DPP10: variants seen among roughly 807,000 people sequenced by gnomAD.
The protein encoded by DPP10 is dipeptidyl peptidase like 10, also known as inactive dipeptidyl peptidase 10.
In DPP10, 33 loss-of-function variants were observed where a neutral mutation model predicts 120.9. The observed-to-expected ratio is 0.27, with a 90% CI of 0.21 to 0.37. DPP10 has a LOEUF of 0.37. Ranked by LOEUF, DPP10 falls within the 10% of genes least tolerant of loss-of-function variation. The pLI is 1.00. For missense variants in DPP10, 816 were observed against 942.8 expected, an observed-to-expected ratio of 0.87 and a Z score of 1.76; for synonymous variants, 337 against 326.1, an observed-to-expected ratio of 1.03 and a Z score of -0.36.
intron 3 of DPP10, among the ~76,000 whole-genome samples, chr2:115,360,765 C>T (rs149707916): frequency 7.9e-4 from 120 of 152,264 alleles, no homozygotes; most frequent in Middle Eastern, 3.4e-3. Context: ...GACCCGTAGT[C>T]CCCTAGGGGC....
At chr2:114,995,185 G>GTAGC (rs1700999560) in intron 1 of DPP10, among the ~76,000 whole-genome samples, 1 of 152,222 alleles carries the variant, frequency 6.6e-6, no homozygotes, top group Non-Finnish European at 1.5e-5. Flanking sequence ...GCACAGCCAT[G>GTAGC]TAGCCCTTGT....
In DPP10 at chr2:115,832,732, A is replaced by T. The variant is rs75340510; in HGVS notation, c.1951-3425A>T. 9.2e-5 allele frequency among the ~76,000 whole-genome samples: 14 copies of T among 152,278 alleles called. No individual in the cohort carries two copies. The East Asian group carries it at 2.7e-3, about 29-fold the overall frequency. ...ACATTCCTGGTTTTACTGAAGAATC[A>T]CATGGGGAGATCCATCAGGTGCCCA... On this transcript the variant is annotated intron_variant, in intron 21 of 25. Transcript: ENST00000410059.
chr2:115,283,466 T>G (rs2060241544), intron 1 of DPP10, among the ~76,000 whole-genome samples: 1 of 152,080 alleles, frequency 6.6e-6, no homozygotes, highest in South Asian at 2.1e-4. Flanking sequence ...TTTATATTGG[T>G]TGATGGTTTT....
chr2:115,579,792 A>C (rs1421921479), intron 5 of DPP10: 1 of 152,152 alleles, frequency 6.6e-6, no homozygotes, highest in Non-Finnish European at 1.5e-5. Context: ...CACATAACGT[A>C]TACACATTTT....
At chr2:115,005,980 A>G (rs898752437) in intron 1 of DPP10, among the ~76,000 whole-genome samples, 1 of 152,196 alleles carries the variant, frequency 6.6e-6, no homozygotes, top group Non-Finnish European at 1.5e-5. Flanking sequence ...AGGTCGGGTT[A>G]CCCTCAAAGG....
At chr2:114,707,479 A>T (rs1002872) in intron 1 of DPP10, among the ~76,000 whole-genome samples, 8,777 of 152,310 alleles carry the variant, frequency 0.058, 407 homozygotes, top group African/African-American at 0.13. Flanking sequence ...AGTTATTAAA[A>T]GTACATATTT....
chr2:115,840,960 C>T, intron 25 of DPP10, 137 bp downstream of exon 25: 1 of 653,222 alleles, frequency 1.5e-6, no homozygotes. Context: ...AGATTGTGTT[C>T]TCTGTTCCTG....
chr2:115,817,741 A>G (rs1294311325), intron 21 of DPP10, among the ~76,000 whole-genome samples: 5 of 152,084 alleles, frequency 3.3e-5, no homozygotes, highest in Non-Finnish European at 5.9e-5. Context: ...GAAACCCTAG[A>G]TATATTAAAA....
chr2:115,595,422 T>G (rs987892088), intron 5 of DPP10, among the ~76,000 whole-genome samples: 1 of 152,124 alleles, frequency 6.6e-6, no homozygotes, highest in African/African-American at 2.4e-5. Flanking sequence ...TCAAACAGTT[T>G]GACCATAAAG....
Position 115,781,825 on chromosome 2 carries a change from T to C in DPP10, c.1484-527T>C, listed in dbSNP as rs189756760. Among the ~76,000 whole-genome samples the C allele has an allele frequency of 6.6e-4, 101 of 152,214 alleles. 2 individuals are homozygous for C. The highest frequency in any genetic ancestry group is 2.3e-3 in the African/African-American group (95 of 41,570). ...GAAGTTTCAAGATAACTTTTTACAG[T>C]AACAAATTAGCTAGTGTATTTTAAA... On this transcript the variant is annotated intron_variant, in intron 16 of 25. Coordinates refer to ENST00000410059, the MANE Select transcript of DPP10 (RefSeq NM_020868.6).
At chr2:115,000,178 G>T (rs1286626102) in intron 1 of DPP10, among the ~76,000 whole-genome samples, 3 of 151,414 alleles carry the variant, frequency 2.0e-5, no homozygotes, top group African/African-American at 7.3e-5. Flanking sequence ...CTAGTATTGG[G>T]CCCTCATTTT....
intron 1 of DPP10, among the ~76,000 whole-genome samples, chr2:114,517,790 G>T (rs1211233843): frequency 6.6e-6 from 1 of 152,194 alleles, no homozygotes; most frequent in Non-Finnish European, 1.5e-5. Flanking sequence ...TACTATCCAA[G>T]TCAGTGAGGT....
At chr2:115,161,991 CG>C in intron 1 of DPP10, 19 of 1,397,234 alleles carry the variant, frequency 1.4e-5, no homozygotes, top group South Asian at 3.2e-5. Flanking sequence ...CAGCCCACCC[CG>C]GGGGCCAGGG....
At chr2:115,675,069 C>A (rs1427694910) in intron 5 of DPP10, among the ~76,000 whole-genome samples, 1 of 152,118 alleles carries the variant, frequency 6.6e-6, no homozygotes. Flanking sequence ...GCCAAGAGTT[C>A]TCTATTAACT....
chr2:115,078,784 T>G (rs1708001786), intron 1 of DPP10, among the ~76,000 whole-genome samples: 1 of 144,478 alleles, frequency 6.9e-6, no homozygotes, highest in East Asian at 2.0e-4. Flanking sequence ...TCTTTGGTCT[T>G]CATATTAAAG....
At chr2:114,481,393 C>G (rs150374651) in intron 1 of DPP10, among the ~76,000 whole-genome samples, 1,726 of 151,998 alleles carry the variant, frequency 0.011, 28 homozygotes, top group Middle Eastern at 0.044. Flanking sequence ...ATCACAAAGC[C>G]TAAAATAAAA....
chr2:115,077,057 A>C (rs1707860879), intron 1 of DPP10, among the ~76,000 whole-genome samples: 1 of 152,150 alleles, frequency 6.6e-6, no homozygotes, highest in Non-Finnish European at 1.5e-5. Context: ...TTTCATAGCT[A>C]AATTTTTGGG....
chr2:115,832,522 T>A (rs1395483271), intron 21 of DPP10, among the ~76,000 whole-genome samples: 1 of 152,204 alleles, frequency 6.6e-6, no homozygotes, highest in Non-Finnish European at 1.5e-5. Context: ...TTTGCCAGTG[T>A]CGATTTTTGT....
intron 1 of DPP10, among the ~76,000 whole-genome samples, chr2:115,234,179 C>T (rs988738232): frequency 6.6e-6 from 1 of 152,092 alleles, no homozygotes; most frequent in Non-Finnish European, 1.5e-5. Context: ...TTTTGCATTA[C>T]AATCAAGTTG....
Sources: gnomAD v4.1 joint callset for allele counts (sites outside exome capture counted in the v4.1 genomes callset) on GRCh38, gnomAD v4.1.1 for gene constraint, MANE v1.5 for transcripts, NCBI Gene and HGNC (gene_info 2026-07-23, HGNC 2026-07-21) for gene names.